UNC13C: variants seen among roughly 807,000 people sequenced by gnomAD.
The protein encoded by UNC13C is unc-13 homolog C, also known as protein unc-13 homolog C.
A neutral mutation model predicts 245.4 loss-of-function variants in UNC13C; 174 were observed. The observed-to-expected ratio is 0.71, with a 90% CI of 0.63 to 0.80. The LOEUF (loss-of-function observed/expected upper bound fraction) is 0.80, where lower values mean the gene tolerates loss of function less well. Among genes scored for constraint, UNC13C ranks in the 30% least tolerant of loss-of-function variants. The pLI is 0.00. For synonymous variants in UNC13C, 992 were observed against 895.1 expected, an observed-to-expected ratio of 1.11 and a Z score of -1.93; for missense variants, 2,829 against 2,602.9, an observed-to-expected ratio of 1.09 and a Z score of -1.89.
chr15:54,057,601 C>A (rs191174827), intron 2 of UNC13C, among the ~76,000 whole-genome samples: 2 of 152,132 alleles, frequency 1.3e-5, no homozygotes, highest in Non-Finnish European at 2.9e-5. Context: ...CAGCTCTGCA[C>A]CAAGTGGACC....
intron 17 of UNC13C, among the ~76,000 whole-genome samples, chr15:54,338,981 C>A (rs1447196846): frequency 6.6e-6 from 1 of 152,188 alleles, no homozygotes; most frequent in Non-Finnish European, 1.5e-5. Flanking sequence ...ATTCTCCTGC[C>A]TCAGGCTCCC....
At chr15:53,969,746 T>A in the UNC13C span, among the ~76,000 whole-genome samples, 1 of 151,802 alleles carries the variant, frequency 6.6e-6, no homozygotes, top group Non-Finnish European at 1.5e-5. Context: ...AACATAAAAT[T>A]TACCATCTTA....
intron 2 of UNC13C, among the ~76,000 whole-genome samples, chr15:54,076,756 C>T (rs78073616): frequency 0.018 from 2,690 of 152,130 alleles, 31 homozygotes; most frequent in Admixed American, 0.041. Flanking sequence ...TTTCCATGTT[C>T]GGTTTTAGGT....
At chr15:53,945,234 G>A in the UNC13C span, among the ~76,000 whole-genome samples, 17 of 152,112 alleles carry the variant, frequency 1.1e-4, no homozygotes. Context: ...CTATGCAGAA[G>A]CTCTTTAGTT....
At position 54,140,734 on chromosome 15, in the gene UNC13C, A is replaced by G. The variant is rs142754966; in HGVS notation, c.2984-2284A>G. 3.0e-3 allele frequency among the ~76,000 whole-genome samples: 458 copies of G among 152,364 alleles called. 2 individuals carry two copies. Among genetic ancestry groups the G allele is most frequent in the Non-Finnish European group, 2.3e-3 (155 of 68,040 alleles). ...AAGAATGTAATTGTGACTGAAGTTT[A>G]TGATGTGAATGAGATATAATGAGTG... is the stretch of plus-strand genomic sequence containing the variant. On this transcript the variant is annotated intron_variant, in intron 2 of 32. Coordinates refer to ENST00000260323, the MANE Select transcript of UNC13C (RefSeq NM_001080534.3).
intron 18 of UNC13C, among the ~76,000 whole-genome samples, chr15:54,400,921 CTATGCAGCCA>C (rs1450059107): frequency 2.0e-5 from 3 of 152,088 alleles, no homozygotes; most frequent in African/African-American, 7.2e-5. Context: ...GCATGGAATA[CTATGCAGCCA>C]TAAAAAGTGA....
chr15:53,934,985 C>T, the UNC13C span, among the ~76,000 whole-genome samples: 3 of 152,062 alleles, frequency 2.0e-5, no homozygotes. Flanking sequence ...AGATTCATTC[C>T]CTAGCAGTAT....
At chr15:54,228,054 C>T (rs1017159402) in intron 4 of UNC13C, among the ~76,000 whole-genome samples, 7 of 152,142 alleles carry the variant, frequency 4.6e-5, no homozygotes, top group Admixed American at 3.3e-4. Flanking sequence ...TGAGCTGGTA[C>T]CTCAACCGTG....
chr15:54,446,594 C>G (rs181193164), intron 19 of UNC13C, among the ~76,000 whole-genome samples: 19 of 150,426 alleles, frequency 1.3e-4, no homozygotes, highest in African/African-American at 4.6e-4. Context: ...GGCTCTCTGC[C>G]TGTTATTGGT....
chr15:54,167,314 G>A (rs1260966976), intron 4 of UNC13C, among the ~76,000 whole-genome samples: 1 of 151,742 alleles, frequency 6.6e-6, no homozygotes, highest in Non-Finnish European at 1.5e-5. Context: ...CATCCTGGCT[G>A]ACATGGTGAA....
chr15:54,071,417 T>G (rs564578610), intron 2 of UNC13C, among the ~76,000 whole-genome samples: 2 of 152,312 alleles, frequency 1.3e-5, no homozygotes, highest in East Asian at 3.9e-4. Context: ...TTATTGGTAT[T>G]TTTGTGTAAA....
intron 5 of UNC13C, 141 bp from the exon 6 acceptor site, chr15:54,236,289 A>G: frequency 1.5e-6 from 1 of 651,824 alleles, no homozygotes. Flanking sequence ...ACATGTCAGT[A>G]CATTTAGTTC....
chr15:54,269,045 T>A (rs2414290), intron 10 of UNC13C, among the ~76,000 whole-genome samples: 25,248 of 150,440 alleles, frequency 0.17, 2,227 homozygotes, highest in Middle Eastern at 0.2. Context: ...TTTTTTTTTT[T>A]AATTTTTTAT....
intron 1 of UNC13C, among the ~76,000 whole-genome samples, chr15:54,006,444 T>C (rs938578726): frequency 1.3e-5 from 2 of 152,200 alleles, no homozygotes; most frequent in Admixed American, 1.3e-4. Context: ...TCATTTTTGT[T>C]GAAATATTTT....
At chr15:54,606,043 A>C (rs1248982251) in intron 30 of UNC13C, among the ~76,000 whole-genome samples, 5 of 152,142 alleles carry the variant, frequency 3.3e-5, no homozygotes, top group Non-Finnish European at 7.4e-5. Context: ...CCTGTTTCCC[A>C]CTTCTGGTGA....
chr15:54,218,154 C>T (rs1364470214), intron 4 of UNC13C, among the ~76,000 whole-genome samples: 1 of 151,960 alleles, frequency 6.6e-6, no homozygotes, highest in Non-Finnish European at 1.5e-5. Context: ...TGTTCTCAGA[C>T]ATTTTTCTGC....
chr15:54,091,828 G>A (rs933268820), intron 2 of UNC13C, among the ~76,000 whole-genome samples: 31 of 151,570 alleles, frequency 2.0e-4, no homozygotes, highest in Non-Finnish European at 2.4e-4. Context: ...TTTCCATTTG[G>A]CTTGATTCCT....
In UNC13C at chr15:54,015,502, T is replaced by A; in HGVS notation, c.2599T>A (p.Tyr867Asn). 6.2e-7 allele frequency: 1 copy of A among 1,612,800 alleles called. No homozygotes were observed. Among genetic ancestry groups the A allele is most frequent in the African/African-American group, 1.3e-5 (1 of 75,020 alleles). ...YYYKAEDEED[Y>N]TEPVADNETD... ...CTATAAAGCAGAGGATGAGGAAGAT[T>A]ATACTGAACCAGTGGCTGACAATGA... Residue 867 changes from tyrosine (Y) to asparagine (N), a missense_variant, in exon 2 of 33, where the codon TAT becomes AAT. Physicochemically the swap from Tyr to Asn is moderately radical, Grantham distance 143 (BLOSUM62 -2). Coordinates refer to ENST00000260323, the MANE Select transcript of UNC13C (RefSeq NM_001080534.3).
intron 2 of UNC13C, among the ~76,000 whole-genome samples, chr15:54,083,036 G>A (rs1158921104): frequency 6.6e-6 from 1 of 152,122 alleles, no homozygotes; most frequent in Non-Finnish European, 1.5e-5. Context: ...GTGCAATTCA[G>A]GCTGCATTCC....
Sources: allele counts gnomAD v4.1 joint callset (sites outside exome capture counted in the v4.1 genomes callset), GRCh38; gene constraint gnomAD v4.1.1; transcripts MANE v1.5; gene names NCBI Gene and HGNC (gene_info 2026-07-23, HGNC 2026-07-21).